The following PTPRD variants were observed in gnomAD, a reference collection of about 807,000 sequenced individuals.
The protein encoded by PTPRD is receptor-type tyrosine-protein phosphatase delta.
A neutral mutation model predicts 214.5 loss-of-function variants in PTPRD; 34 were observed. The observed-to-expected ratio is 0.16, with a 90% CI of 0.12 to 0.21. The LOEUF is 0.21. Ranked by LOEUF, PTPRD falls within the 10% of genes least tolerant of loss-of-function variation. PTPRD has a pLI of 1.00. For missense variants in PTPRD, 2,545 were observed against 2,398.7 expected (o/e 1.06, Z -1.27); for synonymous variants, 1,128 against 845.7 (o/e 1.33, Z -5.79).
rs750963318 is a variant in PTPRD at position 10,505,863 on chromosome 9, T to A, written c.-600+106535A>T. On this transcript the variant is annotated intron_variant, in intron 2 of 45. Coordinates refer to ENST00000381196, the MANE Select transcript of PTPRD (RefSeq NM_002839.4). ...TTTTACATAACACTTTAACTTAAAT[T>A]TTAAGCAATATTTTAATTAGATATA... 6.2e-4 allele frequency among the ~76,000 whole-genome samples: 57 copies of A among 91,670 alleles called. 1 individual carries two copies. The highest frequency in any genetic ancestry group is 3.8e-4 in the Non-Finnish European group (16 of 42,562). 60.1% of individuals were successfully genotyped at this position (91,670 alleles called of 152,430 possible).
intron 5 of PTPRD, among the ~76,000 whole-genome samples, chr9:9,811,153 G>A (rs1310655926): frequency 6.6e-6 from 1 of 152,022 alleles, no homozygotes; most frequent in Admixed American, 6.6e-5. Flanking sequence ...CAAGAGAGCC[G>A]AGATTGTGAC....
intron 3 of PTPRD, among the ~76,000 whole-genome samples, chr9:10,046,579 A>G (rs1210741982): frequency 1.3e-5 from 2 of 151,904 alleles, no homozygotes; most frequent in African/African-American, 2.4e-5. Flanking sequence ...GGATGCTTCA[A>G]TGTTTCTCAC....
At chr9:10,395,553 G>C (rs1213189257) in intron 2 of PTPRD, among the ~76,000 whole-genome samples, 1 of 151,858 alleles carries the variant, frequency 6.6e-6, no homozygotes, top group Non-Finnish European at 1.5e-5. Flanking sequence ...GCAAAGCAAT[G>C]AGAAATAAGA....
chr9:9,271,274 T>G (rs1242552861), intron 9 of PTPRD, among the ~76,000 whole-genome samples: 1 of 151,030 alleles, frequency 6.6e-6, no homozygotes, highest in East Asian at 2.0e-4. Flanking sequence ...TTCAAACTTA[T>G]TTTTCTCATC....
At chr9:9,622,939 G>C (rs2095296770) in intron 7 of PTPRD, among the ~76,000 whole-genome samples, 3 of 152,124 alleles carry the variant, frequency 2.0e-5, no homozygotes, top group South Asian at 2.1e-4. Flanking sequence ...TCACATCATT[G>C]AGATAGGTTA....
intron 11 of PTPRD, among the ~76,000 whole-genome samples, chr9:9,001,189 A>G (rs1412175664): frequency 6.6e-6 from 1 of 151,986 alleles, no homozygotes; most frequent in Non-Finnish European, 1.5e-5. Flanking sequence ...TTTATATATG[A>G]AGTACTGTTC....
rs534258332 is a variant in PTPRD at position 9,993,393 on chromosome 9, G to A, written c.-472+40325C>T. Among the ~76,000 whole-genome samples the A allele has an allele frequency of 2.0e-5, 3 of 152,186 alleles. No homozygotes were observed. In the East Asian group the frequency reaches 5.8e-4, roughly 29 times the overall value. On this transcript the variant is annotated intron_variant, in intron 4 of 45. Coordinates refer to ENST00000381196, the MANE Select transcript of PTPRD (RefSeq NM_002839.4). ...GTTTTTTTGTAATAGGCACAAACTG[G>A]AAACAACACAAACATTCATTAGTAG... is the stretch of plus-strand genomic sequence containing the variant.
At chr9:8,726,818 A>T (rs1362247015) in intron 12 of PTPRD, among the ~76,000 whole-genome samples, 21 of 140,886 alleles carry the variant, frequency 1.5e-4, no homozygotes, top group African/African-American at 5.7e-4. Context: ...AAAAAAAAAA[A>T]AGATTAGCTA....
chr9:8,388,476 G>T (rs972322698), intron 37 of PTPRD, among the ~76,000 whole-genome samples: 1 of 152,140 alleles, frequency 6.6e-6, no homozygotes, highest in African/African-American at 2.4e-5. Flanking sequence ...GTTAAAGGTT[G>T]ATTTTCTTCA....
chr9:9,757,366 A>G (rs1178166463), intron 6 of PTPRD, among the ~76,000 whole-genome samples: 1 of 152,216 alleles, frequency 6.6e-6, no homozygotes, highest in Non-Finnish European at 1.5e-5. Flanking sequence ...TGCAATTTTT[A>G]ACACAGCAGC....
At chr9:8,656,392 CT>C (rs1410589737) in intron 12 of PTPRD, among the ~76,000 whole-genome samples, 1 of 152,158 alleles carries the variant, frequency 6.6e-6, no homozygotes, top group East Asian at 1.9e-4. Flanking sequence ...TGGGTGAAAT[CT>C]TTTCTAATCC....
intron 4 of PTPRD, among the ~76,000 whole-genome samples, chr9:9,989,910 C>T (rs750453039): frequency 6.6e-6 from 1 of 152,188 alleles, no homozygotes; most frequent in Non-Finnish European, 1.5e-5. Flanking sequence ...CTCCACCACG[C>T]AAAGGGTTTG....
intron 9 of PTPRD, among the ~76,000 whole-genome samples, chr9:9,355,748 G>C (rs138288276): frequency 2.6e-5 from 4 of 151,416 alleles, no homozygotes; most frequent in African/African-American, 7.3e-5. Context: ...AAAAACACAA[G>C]GGAGAGAATC....
At chr9:10,448,906 G>A (rs916500122) in intron 2 of PTPRD, among the ~76,000 whole-genome samples, 1 of 152,004 alleles carries the variant, frequency 6.6e-6, no homozygotes, top group African/African-American at 2.4e-5. Context: ...CAAATTTAGA[G>A]TCTTTGCAAA....
intron 8 of PTPRD, among the ~76,000 whole-genome samples, chr9:9,516,381 GT>G (rs1464533899): frequency 6.6e-6 from 1 of 151,940 alleles, no homozygotes; most frequent in African/African-American, 2.4e-5. Flanking sequence ...CCTCTACGTT[GT>G]GTGAACTTGA....
intron 2 of PTPRD, among the ~76,000 whole-genome samples, chr9:10,470,253 AT>A (rs1416172278): frequency 1.3e-5 from 2 of 152,240 alleles, no homozygotes; most frequent in South Asian, 4.1e-4. Context: ...ACTATTAGGT[AT>A]CCATAAAAAA....
intron 14 of PTPRD, among the ~76,000 whole-genome samples, chr9:8,614,985 T>A (rs1018870275): frequency 3.9e-5 from 6 of 152,156 alleles, no homozygotes; most frequent in Non-Finnish European, 5.9e-5. Context: ...TTGCTCCTTC[T>A]TTTGTTTGGC....
chr9:9,364,693 C>T (rs983630590), intron 9 of PTPRD, among the ~76,000 whole-genome samples: 3 of 151,294 alleles, frequency 2.0e-5, no homozygotes, highest in Non-Finnish European at 3.0e-5. Context: ...GAAGGAAAAA[C>T]GAGCAAGGAA....
At chr9:8,478,846 G>A (rs1385738798) in intron 30 of PTPRD, among the ~76,000 whole-genome samples, 1 of 152,144 alleles carries the variant, frequency 6.6e-6, no homozygotes, top group Non-Finnish European at 1.5e-5. Context: ...CACTTTTTCG[G>A]TGTTGAGGAG....
Sources: allele counts gnomAD v4.1 joint callset (sites outside exome capture counted in the v4.1 genomes callset), GRCh38; gene constraint gnomAD v4.1.1; transcripts MANE v1.5; gene names NCBI Gene and HGNC (gene_info 2026-07-23, HGNC 2026-07-21).